Variants in DDX28 observed in about 807,000 individuals in gnomAD.
DDX28 encodes the protein probable ATP-dependent RNA helicase DDX28.
In DDX28, 25 loss-of-function variants were observed where a neutral mutation model predicts 26.8. The observed-to-expected ratio is 0.93, with a 90% confidence interval of 0.68 to 1.30. DDX28 has a LOEUF of 1.30. Ranked by LOEUF, DDX28 falls within the 50% of genes most tolerant of loss-of-function variation. The pLI, the probability that DDX28 is intolerant of heterozygous loss-of-function variation, is 0.00. For missense variants in DDX28, 790 were observed against 695.1 expected, an observed-to-expected ratio of 1.14 and a Z score of -1.53; for synonymous variants, 370 against 311.9, an observed-to-expected ratio of 1.19 and a Z score of -1.96.
At position 68,021,642 on chromosome 16, in the gene DDX28, G is replaced by C. The variant is rs201979851; in HGVS notation, c.1561C>G (p.Arg521Gly). The stretch of plus-strand genomic sequence containing the variant: ...GCTAGTCCTGGAAGACTTCTCCTTC[G>C]GCGAGCCGCCAGCTCAATCTTCTGA... ...LVQKIELAARRRRSLPGLASS... is the reference protein window; with the variant it reads ...LVQKIELAARGRRSLPGLASS... The change falls in exon 1 of 1, where the codon CGA (arginine) becomes GGA (glycine). Residue 521 changes from arginine (R) to glycine (G), a missense_variant. Arg to Gly is a moderately radical substitution (Grantham distance 125). Coordinates refer to ENST00000332395, the MANE Select transcript of DDX28 (RefSeq NM_018380.4). The C allele has an allele frequency of 6.2e-7, 1 of 1,614,112 alleles. No homozygotes were observed. Among genetic ancestry groups the C allele is most frequent in the Non-Finnish European group, 8.5e-7 (1 of 1,179,990 alleles).
chr16:68,022,158 C>T lies in DDX28; in HGVS notation c.1045G>A (p.Ala349Thr). 1 of 1,614,184 alleles carries T rather than the reference C, an allele frequency of 6.2e-7. No individual in the cohort carries two copies. The highest frequency in any genetic ancestry group is 8.5e-7 in the Non-Finnish European group (1 of 1,180,038). Reference sequence around the variant, plus strand: ...TTGGAGCTGGTGATGGTGGTGACAGCATCTGGGCTGGCGACTTTATTCAGC... The same window carrying T: ...TTGGAGCTGGTGATGGTGGTGACAGTATCTGGGCTGGCGACTTTATTCAGC... ...QLLNKVASPD[A>T]VTTITSSKLH... The change falls in exon 1 of 1, where the codon GCT (alanine) becomes ACT (threonine). Residue 349 changes from alanine (A) to threonine (T), a missense_variant. By Grantham distance (58) the Ala-to-Thr change is moderately conservative (BLOSUM62 0). Coordinates refer to ENST00000332395, the MANE Select transcript of DDX28 (RefSeq NM_018380.4).
In DDX28 at chr16:68,022,704, G is replaced by A. The variant is rs766011877; in HGVS notation, c.499C>T (p.His167Tyr). The A allele has an allele frequency of 6.2e-7, 1 of 1,613,302 alleles. No individual in the cohort carries two copies. Among genetic ancestry groups the A allele is most frequent in the Admixed American group, 1.7e-5 (1 of 60,010 alleles). Reference protein sequence around the residue: ...STIPSLLRGRHVVCAAETGSG... With the variant: ...STIPSLLRGRYVVCAAETGSG... The stretch of plus-strand genomic sequence containing the variant: ...CCGGTTTCTGCGGCGCAAACGACAT[G>A]GCGGCCGCGAAGTAGTGAGGGGATG... The change falls in exon 1 of 1, where the codon CAT (histidine) becomes TAT (tyrosine). Residue 167 changes from histidine to tyrosine, a missense_variant. Transcript: ENST00000332395.
Position 68,023,192 on chromosome 16 carries a change from G to C in DDX28, c.11C>G (p.Thr4Arg). MALTRPVRLFSLVT... is the reference protein window; with the variant it reads MALRRPVRLFSLVT... ...GAGGGAAAAGAGCCGCACCGGCCGC[G>C]TTAGAGCCATGTTTCCCTTAGTGCG... is the stretch of plus-strand genomic sequence containing the variant. Residue 4 changes from threonine (T) to arginine (R), a missense_variant, in exon 1 of 1, where the codon ACG becomes AGG. Thr to Arg is a moderately conservative substitution (Grantham distance 71). Coordinates refer to ENST00000332395, the MANE Select transcript of DDX28 (RefSeq NM_018380.4). The C allele has an allele frequency of 6.2e-7, 1 of 1,609,660 alleles. No homozygotes were observed. The highest frequency in any genetic ancestry group is 8.5e-7 in the Non-Finnish European group (1 of 1,178,702).
rs746128268 is a variant in DDX28, at chr16:68,022,740, G to T, written c.463C>A (p.Gln155Lys). 1.9e-6 allele frequency: 3 copies of T among 1,612,942 alleles called. No individual in the cohort carries two copies. The African/African-American group carries it at 4.0e-5, about 22-fold the overall frequency. The change falls in exon 1 of 1, where the codon CAG (glutamine) becomes AAG (lysine). Residue 155 changes from glutamine to lysine, a missense_variant. Coordinates refer to ENST00000332395, the MANE Select transcript of DDX28 (RefSeq NM_018380.4). ...AGTAGTGAGGGGATGGTGCTAGACTGCACGGTTGTGGGCTGAACGACTTCA... is the reference window on the plus strand; with the variant it reads ...AGTAGTGAGGGGATGGTGCTAGACTTCACGGTTGTGGGCTGAACGACTTCA... ...APEVVQPTTV[Q>K]SSTIPSLLRG...
rs1171886217 is a variant in DDX28, at chr16:68,022,100, GTC to G, written c.1101_1102del (p.Gln367HisfsTer10). ...ATCTGCTCCCTTCAGTCTCAGAAAT[GTC>G]TGTTTCACATGAGGCATGATACAGT... On this transcript the variant is annotated frameshift_variant, in exon 1 of 1. Coordinates refer to ENST00000332395, the MANE Select transcript of DDX28 (RefSeq NM_018380.4). LOFTEE classifies it high-confidence loss of function. 2 of 1,614,082 alleles carry G rather than the reference GTC, an allele frequency of 1.2e-6. No homozygotes were observed. Among genetic ancestry groups the G allele is most frequent in the African/African-American group, 1.3e-5 (1 of 74,934 alleles).
rs1216414602 is a variant in DDX28 at position 68,022,699 on chromosome 16, G to T, written c.504C>A (p.Val168=). The change falls in exon 1 of 1, where the codon GTC becomes GTA. Residue 168 remains valine (V), a synonymous_variant. Coordinates refer to ENST00000332395, the MANE Select transcript of DDX28 (RefSeq NM_018380.4). ...TIPSLLRGRH[V]VCAAETGSGK... is the part of the protein sequence containing the mutation. The stretch of plus-strand genomic sequence containing the variant: ...CACTGCCGGTTTCTGCGGCGCAAAC[G>T]ACATGGCGGCCGCGAAGTAGTGAGG... 1 of 1,613,172 alleles carries T rather than the reference G, an allele frequency of 6.2e-7. No individual in the cohort carries two copies. Among genetic ancestry groups the T allele is most frequent in the Non-Finnish European group, 8.5e-7 (1 of 1,180,022 alleles).
rs759323396 is a variant in DDX28, at chr16:68,022,785, C to G, written c.418G>C (p.Ala140Pro). Residue 140 changes from alanine (A) to proline (P), a missense_variant, in exon 1 of 1, where the codon GCA (alanine) becomes CCA (proline). Physicochemically the swap from Ala to Pro is conservative, Grantham distance 27 (BLOSUM62 -1). Transcript: ENST00000332395. The part of the protein sequence containing the change: ...DLGLEPRVLH[A>P]LQEAAPEVVQ... Reference sequence around the variant, plus strand: ...ACTTCAGGCGCAGCCTCCTGTAGTGCGTGCAGCACACGGGGCTCCAGGCCC... The same window carrying G: ...ACTTCAGGCGCAGCCTCCTGTAGTGGGTGCAGCACACGGGGCTCCAGGCCC... The G allele has an allele frequency of 1.2e-6, 2 of 1,601,068 alleles. No homozygotes were observed. The highest frequency in any genetic ancestry group is 1.7e-6 in the Non-Finnish European group (2 of 1,173,314).
Position 68,023,077 on chromosome 16 carries a change from T to G in DDX28, c.126A>C (p.Leu42=), listed in dbSNP as rs2151404265. 6.2e-7 allele frequency: 1 copy of G among 1,601,252 alleles called. No homozygotes were observed. The highest frequency in any genetic ancestry group is 1.7e-4 in the Middle Eastern group (1 of 6,054). ...PLPVVRIPVA[L]QRQLEQRQSR... ...TCTGCCGCTGTTCCAACTGCCGCTG[T>G]AGAGCCACTGGGATGCGCACCACCG... Residue 42 remains leucine, a synonymous_variant, in exon 1 of 1, where the codon CTA becomes CTC. Coordinates refer to ENST00000332395, the MANE Select transcript of DDX28 (RefSeq NM_018380.4).
rs2033229852 is a variant in DDX28 at position 68,021,101 on chromosome 16, ACT to A, written c.*477_*478del. On this transcript the variant is annotated 3_prime_UTR_variant, in exon 1 of 1. Transcript: ENST00000332395. Reference sequence around the variant, plus strand: ...TTGTCTTGGGCATTGTTAGAGAGTAACTCTGTCTACTGCTAGTCACATTTCCT... The same window carrying A: ...TTGTCTTGGGCATTGTTAGAGAGTAACTGTCTACTGCTAGTCACATTTCCT... Among the ~76,000 whole-genome samples, 1 of 151,366 alleles carries A rather than the reference ACT, an allele frequency of 6.6e-6. No homozygotes were observed. Among genetic ancestry groups the A allele is most frequent in the South Asian group, 2.1e-4 (1 of 4,790 alleles).
Position 68,021,985 on chromosome 16 carries a change from G to A in DDX28, c.1218C>T (p.Ser406=), listed in dbSNP as rs761349314. The A allele has an allele frequency of 5.0e-6, 8 of 1,614,226 alleles. No homozygotes were observed. The highest frequency in any genetic ancestry group is 1.6e-4 in the Middle Eastern group (1 of 6,062). Residue 406 remains serine (S), a synonymous_variant, in exon 1 of 1, where the codon AGC becomes AGT. Coordinates refer to ENST00000332395, the MANE Select transcript of DDX28 (RefSeq NM_018380.4). ...PSGTVLVFCN[S]SSTVNWLGYI... The stretch of plus-strand genomic sequence containing the variant: ...ATCCCAGCCAGTTCACAGTGCTGGA[G>A]CTATTACAGAACACCAGAACAGTTC...
chr16:68,022,585 G>T lies in DDX28; in HGVS notation c.618C>A (p.Gly206=). 3 of 1,613,978 alleles carry T rather than the reference G, an allele frequency of 1.9e-6. No homozygotes were observed. The highest frequency in any genetic ancestry group is 2.5e-6 in the Non-Finnish European group (3 of 1,180,028). ...ATTCTCGGGAAGGAACAAGGACCAGGCCTCGGGGCGCGGGGATAGGAAGGG... is the reference window on the plus strand; with the variant it reads ...ATTCTCGGGAAGGAACAAGGACCAGTCCTCGGGGCGCGGGGATAGGAAGGG... The part of the protein sequence containing the change: ...LDSLPIPAPR[G]LVLVPSRELA... The change falls in exon 1 of 1, where the codon GGC becomes GGA. Residue 206 remains glycine (G), a synonymous_variant. Transcript: ENST00000332395.
At position 68,021,890 on chromosome 16, in the gene DDX28, C is replaced by T. The variant is rs768004831; in HGVS notation, c.1313G>A (p.Gly438Glu). Residue 438 changes from glycine (G) to glutamate (E), a missense_variant, in exon 1 of 1, where the codon GGA (glycine) becomes GAA (glutamate). Physicochemically the swap from Gly to Glu is moderately conservative, Grantham distance 98 (BLOSUM62 -2). Coordinates refer to ENST00000332395, the MANE Select transcript of DDX28 (RefSeq NM_018380.4). ...QGQMPALMRV[G>E]IFQSFQKSSR... ...GCTCTTCTGGAAGGACTGGAAGATT[C>T]CTACCCTCATCAAGGCTGGCATTTG... 6.2e-7 allele frequency: 1 copy of T among 1,614,142 alleles called. No homozygotes were observed. Among genetic ancestry groups the T allele is most frequent in the South Asian group, 1.1e-5 (1 of 91,080 alleles).
chr16:68,022,229 TGAGCTTTGG>T lies in DDX28; in HGVS notation c.965_973del (p.Pro322_Ala324del). Reference sequence around the variant, plus strand: ...AAATGTGGCTCCTACCAGCACTAACTGAGCTTTGGGATTGAAGGGGTCTTCCAAGTCAGC... The same window carrying T: ...AAATGTGGCTCCTACCAGCACTAACTGATTGAAGGGGTCTTCCAAGTCAGC... On this transcript the variant is annotated inframe_deletion, in exon 1 of 1. Transcript: ENST00000332395. The T allele has an allele frequency of 6.2e-7, 1 of 1,614,226 alleles. No homozygotes were observed. Among genetic ancestry groups the T allele is most frequent in the Non-Finnish European group, 8.5e-7 (1 of 1,180,034 alleles).
chr16:68,022,498 C>T lies in DDX28; in HGVS notation c.705G>A (p.Arg235=). 2 of 1,613,910 alleles carry T rather than the reference C, an allele frequency of 1.2e-6. No individual in the cohort carries two copies. The highest frequency in any genetic ancestry group is 1.7e-6 in the Non-Finnish European group (2 of 1,180,034). ...PLGRSLGLLV[R]DLEGGHGMRR... is the part of the protein sequence containing the mutation. ...GCATGCCGTGGCCTCCCTCCAGGTCCCGCACCAGCAGGCCCAAGGAGCGGC... is the reference window on the plus strand; with the variant it reads ...GCATGCCGTGGCCTCCCTCCAGGTCTCGCACCAGCAGGCCCAAGGAGCGGC... The change falls in exon 1 of 1, where the codon CGG becomes CGA. Residue 235 remains arginine (R), a synonymous_variant. Transcript: ENST00000332395.
chr16:68,021,809 C>G lies in DDX28; in HGVS notation c.1394G>C (p.Gly465Ala). ...ATCATAATTGACAACCAGCTCCACACCAGTGCTGTCCAGGCCCCGAGAGGC... is the reference window on the plus strand; with the variant it reads ...ATCATAATTGACAACCAGCTCCACAGCAGTGCTGTCCAGGCCCCGAGAGGC... ...DIASRGLDST[G>A]VELVVNYDFP... Residue 465 changes from glycine (G) to alanine (A), a missense_variant, in exon 1 of 1, where the codon GGT becomes GCT. Transcript: ENST00000332395. 6.2e-7 allele frequency: 1 copy of G among 1,614,180 alleles called. No individual in the cohort carries two copies. The highest frequency in any genetic ancestry group is 8.5e-7 in the Non-Finnish European group (1 of 1,180,028).
chr16:68,021,375 C>A lies in DDX28; in HGVS notation c.*205G>T, dbSNP rs2033235346. ...AAAGTCAAAATCCACTTGTGTCTTG[C>A]TAAAGACTACAGAAAGCCATGCTCA... is the stretch of plus-strand genomic sequence containing the variant. On this transcript the variant is annotated 3_prime_UTR_variant, in exon 1 of 1. Transcript: ENST00000332395. The A allele has an allele frequency of 1.7e-6, 1 of 588,264 alleles. No homozygotes were observed. The highest frequency in any genetic ancestry group is 2.8e-5 in the East Asian group (1 of 35,196). 36.4% of individuals were successfully genotyped at this position (588,264 alleles called of 1,614,324 possible).
chr16:68,022,955 G>A lies in DDX28; in HGVS notation c.248C>T (p.Thr83Ile), dbSNP rs1289274746. 30 of 1,551,546 alleles carry A rather than the reference G, an allele frequency of 1.9e-5. No homozygotes were observed. The highest frequency in any genetic ancestry group is 2.5e-5 in the Non-Finnish European group (29 of 1,155,442). Residue 83 changes from threonine (T) to isoleucine (I), a missense_variant, in exon 1 of 1, where the codon ACA becomes ATA. Thr to Ile is a moderately conservative substitution (Grantham distance 89, BLOSUM62 -1). Coordinates refer to ENST00000332395, the MANE Select transcript of DDX28 (RefSeq NM_018380.4). The part of the protein sequence containing the change: ...RPELNQPARL[T>I]LGRWERAPLA... ...CGGCGCGCGCTCCCAACGGCCCAGT[G>A]TGAGGCGCGCCGGCTGGTTCAACTC...
In DDX28 at chr16:68,021,490, A is replaced by G; in HGVS notation, c.*90T>C. Reference sequence around the variant, plus strand: ...CCTCAAGGAGCCGACAGGGCAGCCCAGAGCCTCCCACTGACAAGTGTGGTC... The same window carrying G: ...CCTCAAGGAGCCGACAGGGCAGCCCGGAGCCTCCCACTGACAAGTGTGGTC... On this transcript the variant is annotated 3_prime_UTR_variant, in exon 1 of 1. Transcript: ENST00000332395. 1.4e-6 allele frequency: 2 copies of G among 1,436,796 alleles called. No homozygotes were observed. The highest frequency in any genetic ancestry group is 2.3e-5 in the East Asian group (1 of 43,036). 89.0% of individuals were successfully genotyped at this position (1,436,796 alleles called of 1,614,324 possible).
At position 68,021,862 on chromosome 16, in the gene DDX28, G is replaced by T. The variant is rs566032389; in HGVS notation, c.1341C>A (p.Ser447=). 5.6e-5 allele frequency: 90 copies of T among 1,614,204 alleles called. No individual in the cohort carries two copies. Among genetic ancestry groups the T allele is most frequent in the Admixed American group, 4.2e-4 (25 of 60,016 alleles). The change falls in exon 1 of 1, where the codon TCC becomes TCA. Residue 447 remains serine, a synonymous_variant. Transcript: ENST00000332395. The part of the protein sequence containing the change: ...VGIFQSFQKS[S]RDILLCTDIA... Reference sequence around the variant, plus strand: ...TGTCTGTGCAGAGAAGTATGTCTCGGGAGCTCTTCTGGAAGGACTGGAAGA... The same window carrying T: ...TGTCTGTGCAGAGAAGTATGTCTCGTGAGCTCTTCTGGAAGGACTGGAAGA...
Sources: allele counts gnomAD v4.1 joint callset (sites outside exome capture counted in the v4.1 genomes callset), GRCh38; gene constraint gnomAD v4.1.1; transcripts MANE v1.5; gene names NCBI Gene and HGNC (gene_info 2026-07-23, HGNC 2026-07-21).